Variants in RAB3C observed in about 807,000 individuals in gnomAD.
The protein encoded by RAB3C is RAB3C, member RAS oncogene family, also known as ras-related protein Rab-3C.
In RAB3C, 17 loss-of-function variants were observed where a neutral mutation model predicts 26.4. The observed-to-expected ratio is 0.64, with a 90% confidence interval of 0.44 to 0.97. The LOEUF is 0.97. RAB3C is among the 50% of genes least tolerant of loss of function. The probability of loss-of-function intolerance (pLI) is 0.00; values close to 1 mark genes in which losing one functional copy is unlikely to be tolerated. For synonymous variants in RAB3C, 91 were observed against 95.9 expected (o/e 0.95, Z 0.30); for missense variants, 242 against 281.9 (o/e 0.86, Z 1.01).
At position 58,663,203 on chromosome 5, in the gene RAB3C, A is replaced by G. The variant is rs913806152; in HGVS notation, c.252+45333A>G. Among the ~76,000 whole-genome samples, 22 of 150,244 alleles carry G rather than the reference A, an allele frequency of 1.5e-4. 2 individuals are homozygous for G. Among genetic ancestry groups the G allele is most frequent in the African/African-American group, 5.6e-4 (22 of 39,630 alleles). On this transcript the variant is annotated intron_variant, in intron 2 of 4. Transcript: ENST00000282878. ...TTCGCTTCTTTTTTTTTTCAAATTA[A>G]AAAGAAAGCATGGTTTAGAGAATTA... is the stretch of plus-strand genomic sequence containing the variant.
At chr5:58,661,050 A>G (rs158959) in intron 2 of RAB3C, among the ~76,000 whole-genome samples, 22,446 of 150,042 alleles carry the variant, frequency 0.15, 2,245 homozygotes, top group Middle Eastern at 0.24. Context: ...AAACATGATA[A>G]TGTTCCTGCC....
intron 3 of RAB3C, among the ~76,000 whole-genome samples, chr5:58,738,687 T>G (rs987799372): frequency 1.3e-5 from 2 of 152,188 alleles, no homozygotes; most frequent in Non-Finnish European, 2.9e-5. Flanking sequence ...ATAGGGAATT[T>G]GAAGATTAAA....
At chr5:58,583,323 G>A (rs1745945190) in intron 1 of RAB3C, 91 bp downstream of exon 1, 6 of 1,588,282 alleles carry the variant, frequency 3.8e-6, no homozygotes, top group East Asian at 2.3e-5. Flanking sequence ...CGTAAGGAAA[G>A]GTCTAGGCGG....
chr5:58,787,944 T>TC (rs1368583694), intron 3 of RAB3C, among the ~76,000 whole-genome samples: 1 of 152,178 alleles, frequency 6.6e-6, no homozygotes, highest in Admixed American at 6.5e-5. Flanking sequence ...TCAAGACTTT[T>TC]CTTTTTTTCA....
chr5:58,646,210 A>G (rs1747513770), intron 2 of RAB3C, among the ~76,000 whole-genome samples: 2 of 152,146 alleles, frequency 1.3e-5, no homozygotes, highest in Non-Finnish European at 2.9e-5. Context: ...TTCTGTTCTC[A>G]TAGCGTCTTC....
intron 2 of RAB3C, among the ~76,000 whole-genome samples, chr5:58,716,084 T>G (rs898391678): frequency 1.5e-5 from 2 of 133,394 alleles, no homozygotes; most frequent in Non-Finnish European, 3.3e-5. Context: ...TAAAAGTCTT[T>G]CAGCAGGAAA....
intron 2 of RAB3C, among the ~76,000 whole-genome samples, chr5:58,701,614 G>T (rs1032966286): frequency 6.6e-6 from 1 of 152,098 alleles, no homozygotes. Flanking sequence ...GTCCAAAATG[G>T]GTCTTCAGGG....
intron 2 of RAB3C, among the ~76,000 whole-genome samples, chr5:58,634,117 G>T (rs951471278): frequency 6.6e-6 from 1 of 151,166 alleles, no homozygotes; most frequent in Admixed American, 6.6e-5. Context: ...CTCCAGCTTG[G>T]GCAACAGAGC....
chr5:58,705,851 A>T (rs1748932861), intron 2 of RAB3C, among the ~76,000 whole-genome samples: 1 of 152,134 alleles, frequency 6.6e-6, no homozygotes, highest in East Asian at 1.9e-4. Flanking sequence ...TTACTCATTA[A>T]TGTGCTTATG....
At chr5:58,584,891 G>C (rs565148836) in intron 1 of RAB3C, among the ~76,000 whole-genome samples, 1 of 151,128 alleles carries the variant, frequency 6.6e-6, no homozygotes, top group South Asian at 2.1e-4. Context: ...AAATATTACA[G>C]AACTGTATTA....
intron 3 of RAB3C, among the ~76,000 whole-genome samples, chr5:58,759,292 G>T (rs566784882): frequency 3.3e-5 from 5 of 152,262 alleles, no homozygotes; most frequent in Admixed American, 3.3e-4. Flanking sequence ...AGCCTTTCTG[G>T]AGTTGCAGCT....
chr5:58,824,964 AT>A, intron 3 of RAB3C, 73 bp from the exon 4 acceptor site: 1 of 985,910 alleles, frequency 1.0e-6, no homozygotes, highest in Non-Finnish European at 1.5e-6. Flanking sequence ...CATCTGTGGA[AT>A]GTATTTCTTC....
At chr5:58,753,576 C>T (rs1450202885) in intron 3 of RAB3C, among the ~76,000 whole-genome samples, 2 of 152,006 alleles carry the variant, frequency 1.3e-5, no homozygotes, top group Non-Finnish European at 2.9e-5. Context: ...GAAAGGTCAG[C>T]GTTAAGGAGG....
chr5:58,615,256 TC>T (rs1049799453), intron 1 of RAB3C, among the ~76,000 whole-genome samples: 5 of 152,274 alleles, frequency 3.3e-5, no homozygotes, highest in African/African-American at 1.2e-4. Flanking sequence ...TAGTAAGCTA[TC>T]AGGCCAAGTA....
rs147066692 is a variant in RAB3C, at chr5:58,761,030, T to TTC, written c.371+34927_371+34928dup. On this transcript the variant is annotated intron_variant, in intron 3 of 4. Coordinates refer to ENST00000282878, the MANE Select transcript of RAB3C (RefSeq NM_138453.4). ...CATGAGTTATATATGATCACATTCCTTCTCTCTCTCTCTCTCTCCCTCTCT... is the reference window on the plus strand; with the variant it reads ...CATGAGTTATATATGATCACATTCCTTCTCTCTCTCTCTCTCTCTCCCTCTCT... Among the ~76,000 whole-genome samples the TTC allele has an allele frequency of 1.7e-3, 235 of 142,060 alleles. 2 individuals are homozygous for TTC. Among genetic ancestry groups the TTC allele is most frequent in the African/African-American group, 5.5e-3 (208 of 38,090 alleles). The allele number at this position is 142,060 out of a possible 152,430, so 93.2% of individuals were successfully genotyped here. A position where few individuals can be genotyped will look rare whatever the true frequency, so the allele number is the denominator to read the frequency against.
chr5:58,815,197 T>C (rs1471498056), intron 3 of RAB3C, among the ~76,000 whole-genome samples: 1 of 152,200 alleles, frequency 6.6e-6, no homozygotes, highest in Non-Finnish European at 1.5e-5. Context: ...ATGTAGGCAC[T>C]TTCCCTCCTG....
intron 3 of RAB3C, among the ~76,000 whole-genome samples, chr5:58,732,815 T>G (rs1265822881): frequency 6.6e-6 from 1 of 152,180 alleles, no homozygotes; most frequent in Non-Finnish European, 1.5e-5. Flanking sequence ...GACCTTATAT[T>G]AATATATTTG....
chr5:58,745,132 T>C (rs929479434), intron 3 of RAB3C, among the ~76,000 whole-genome samples: 1 of 151,908 alleles, frequency 6.6e-6, no homozygotes. Flanking sequence ...GCGCGGTGGC[T>C]CACGCCTGTA....
At chr5:58,713,459 G>A (rs1378083777) in intron 2 of RAB3C, among the ~76,000 whole-genome samples, 1 of 152,192 alleles carries the variant, frequency 6.6e-6, no homozygotes, top group Non-Finnish European at 1.5e-5. Flanking sequence ...TGACCTACAT[G>A]AGTGACACAA....
Sources: allele counts gnomAD v4.1 joint callset (sites outside exome capture counted in the v4.1 genomes callset), GRCh38; gene constraint gnomAD v4.1.1; transcripts MANE v1.5; gene names NCBI Gene and HGNC (gene_info 2026-07-23, HGNC 2026-07-21).